The following FKBP5 variants were observed in gnomAD, a reference collection of about 807,000 sequenced individuals.
The protein encoded by FKBP5 is FKBP prolyl isomerase 5.
FKBP5 carries 23 observed loss-of-function variants against 50.5 expected under a neutral mutation model. The observed-to-expected ratio is 0.46, with a 90% CI of 0.33 to 0.65. The LOEUF is 0.65. FKBP5 is among the 30% of genes least tolerant of loss of function. The pLI is 0.02. For synonymous variants in FKBP5, 176 were observed against 190.6 expected, an observed-to-expected ratio of 0.92 and a Z score of 0.63; for missense variants, 411 against 553.1, an observed-to-expected ratio of 0.74 and a Z score of 2.58.
chr6:35,620,979 G>A (rs947556573), intron 3 of FKBP5, among the ~76,000 whole-genome samples: 1 of 152,006 alleles, frequency 6.6e-6, no homozygotes, highest in Non-Finnish European at 1.5e-5. Context: ...TTATAATTTA[G>A]TTGGGTAGAC....
rs185772807 is a variant in FKBP5 at position 35,716,566 on chromosome 6, G to A, written c.-20+3762C>T. 1.8e-4 allele frequency among the ~76,000 whole-genome samples: 27 copies of A among 152,118 alleles called. No individual in the cohort carries two copies. In the South Asian group the frequency reaches 1.9e-3, roughly 11 times the overall value. ...CACACACTCTTAGAAGACAGTTACC[G>A]TGTCTTATGATTTCTGTGCCACCCC... On this transcript the variant is annotated intron_variant, in intron 2 of 11. Transcript: ENST00000536438.
At chr6:35,639,895 A>G (rs1764429414) in intron 2 of FKBP5, among the ~76,000 whole-genome samples, 2 of 152,236 alleles carry the variant, frequency 1.3e-5, no homozygotes, top group South Asian at 4.1e-4. Flanking sequence ...TTCAGGAAAA[A>G]CAAAACTTAA....
At chr6:35,602,381 C>G (rs1030762104) in intron 5 of FKBP5, among the ~76,000 whole-genome samples, 1 of 152,018 alleles carries the variant, frequency 6.6e-6, no homozygotes, top group Admixed American at 6.6e-5. Flanking sequence ...TAGCTTTGCA[C>G]TCATTCTCAA....
intron 1 of FKBP5, among the ~76,000 whole-genome samples, chr6:35,644,524 T>C (rs77187150): frequency 0.024 from 3,582 of 152,332 alleles, 93 homozygotes; most frequent in African/African-American, 0.056. Flanking sequence ...AATCTTCAAA[T>C]GAGAACACCA....
rs1381096029 is a variant in FKBP5, at chr6:35,610,451, C to T, written c.508+8645G>A. Among the ~76,000 whole-genome samples the T allele has an allele frequency of 6.7e-5, 10 of 149,886 alleles. No individual in the cohort carries two copies. The Admixed American group carries it at 6.7e-4, about 10-fold the overall frequency. On this transcript the variant is annotated intron_variant, in intron 5 of 10. Coordinates refer to ENST00000357266, the MANE Select transcript of FKBP5 (RefSeq NM_004117.4). ...GGCGTGGTGGCAGGTGCCTGTAGTC[C>T]CAGCTACTCAGGAGGCTGAGGCAGG...
intron 1 of FKBP5, among the ~76,000 whole-genome samples, chr6:35,645,672 G>T (rs1426624386): frequency 2.6e-5 from 4 of 152,210 alleles, no homozygotes; most frequent in African/African-American, 9.7e-5. Flanking sequence ...TAATATCCTT[G>T]TTCATAGGAG....
rs954961781 is a variant in FKBP5 at position 35,660,817 on chromosome 6, T to C, written c.-19-17974A>G. ...TTTTAGATCTACTTATCCTTTCAAG[T>C]TCTATCAGTTTCTGATTCATGTATC... On this transcript the variant is annotated intron_variant, in intron 1 of 10. Transcript: ENST00000357266. Among the ~76,000 whole-genome samples, 3 of 84,524 alleles carry C rather than the reference T, an allele frequency of 3.5e-5. 1 individual carries two copies. The highest frequency in any genetic ancestry group is 5.7e-3 in the Middle Eastern group (1 of 176). The allele number at this position is 84,524 out of a possible 152,430, so 55.5% of individuals were successfully genotyped here. A position where few individuals can be genotyped will look rare whatever the true frequency, so the allele number is the denominator to read the frequency against.
intron 2 of FKBP5, chr6:35,720,260 G>C (rs1436646150): frequency 6.6e-6 from 1 of 152,646 alleles, no homozygotes; most frequent in Non-Finnish European, 1.5e-5. Context: ...GTGGGGAGGG[G>C]TCTCTGTCCT....
At chr6:35,584,533 C>T in intron 8 of FKBP5, 1 of 985,494 alleles carries the variant, frequency 1.0e-6, no homozygotes, top group African/African-American at 1.7e-5. Flanking sequence ...GGCAGTATGG[C>T]AGATTGAAAC....
At chr6:35,601,341 T>C (rs1011187496) in intron 5 of FKBP5, among the ~76,000 whole-genome samples, 2 of 152,202 alleles carry the variant, frequency 1.3e-5, no homozygotes, top group Non-Finnish European at 2.9e-5. Flanking sequence ...ATACAGCCCA[T>C]TGATTCTCTA....
At chr6:35,621,782 G>C (rs1392168499) in intron 3 of FKBP5, among the ~76,000 whole-genome samples, 2 of 151,956 alleles carry the variant, frequency 1.3e-5, no homozygotes, top group Non-Finnish European at 2.9e-5. Flanking sequence ...AGGAGTTTGA[G>C]ACCAGCCCAG....
At chr6:35,600,195 T>C (rs1763100708) in intron 5 of FKBP5, among the ~76,000 whole-genome samples, 1 of 152,210 alleles carries the variant, frequency 6.6e-6, no homozygotes, top group African/African-American at 2.4e-5. Flanking sequence ...CAAAATGTTA[T>C]GCAGCATATG....
intron 2 of FKBP5, among the ~76,000 whole-genome samples, chr6:35,701,244 T>TG (rs1554139025): frequency 1.3e-5 from 2 of 149,740 alleles, no homozygotes; most frequent in East Asian, 2.0e-4. Context: ...TTTTTTGTTT[T>TG]TTTGTTTTTT....
At chr6:35,670,915 A>G (rs1001466927) in intron 1 of FKBP5, among the ~76,000 whole-genome samples, 2 of 152,136 alleles carry the variant, frequency 1.3e-5, no homozygotes, top group African/African-American at 4.8e-5. Context: ...AAAATATCTC[A>G]TATATGGTAA....
At chr6:35,705,903 A>G (rs1766304821) in intron 2 of FKBP5, among the ~76,000 whole-genome samples, 1 of 152,238 alleles carries the variant, frequency 6.6e-6, no homozygotes, top group African/African-American at 2.4e-5. Flanking sequence ...TGAGGCCAGG[A>G]GTTAGAGACC....
At chr6:35,596,647 A>T (rs1317535836) in intron 6 of FKBP5, among the ~76,000 whole-genome samples, 6 of 152,200 alleles carry the variant, frequency 3.9e-5, no homozygotes, top group African/African-American at 1.4e-4. Context: ...GTATAATTTT[A>T]GATCTAAAAA....
intron 1 of FKBP5, among the ~76,000 whole-genome samples, chr6:35,665,857 CT>C (rs1292437209): frequency 6.6e-6 from 1 of 152,152 alleles, no homozygotes; most frequent in African/African-American, 2.4e-5. Context: ...TACAACTATT[CT>C]GCTTTTTCAC....
Position 35,606,582 on chromosome 6 carries a change from C to G in FKBP5, c.509-9178G>C, listed in dbSNP as rs928526463. 3.8e-5 allele frequency among the ~76,000 whole-genome samples: 5 copies of G among 132,942 alleles called. No homozygotes were observed. In the South Asian group the frequency reaches 1.3e-3, roughly 33 times the overall value. The allele number at this position is 132,942 out of a possible 152,430, so 87.2% of individuals were successfully genotyped here. A position where few individuals can be genotyped will look rare whatever the true frequency, so the allele number is the denominator to read the frequency against. On this transcript the variant is annotated intron_variant, in intron 5 of 10. Transcript: ENST00000357266. Reference sequence around the variant, plus strand: ...GGCTGAGGCAGGAGAATGGCGTGAACCTGGGAGGCGGGAGTTGCAGTGAGC... The same window carrying G: ...GGCTGAGGCAGGAGAATGGCGTGAAGCTGGGAGGCGGGAGTTGCAGTGAGC...
At chr6:35,649,075 C>A (rs1015609142) in intron 1 of FKBP5, among the ~76,000 whole-genome samples, 1 of 151,934 alleles carries the variant, frequency 6.6e-6, no homozygotes, top group Non-Finnish European at 1.5e-5. Flanking sequence ...TATGGTGAAA[C>A]CCTGTCTCTA....
Sources: gnomAD v4.1 joint callset for allele counts (sites outside exome capture counted in the v4.1 genomes callset) on GRCh38, gnomAD v4.1.1 for gene constraint, MANE v1.5 for transcripts, NCBI Gene and HGNC (gene_info 2026-07-23, HGNC 2026-07-21) for gene names.